The following RAD51B variants were observed in gnomAD, a reference collection of about 807,000 sequenced individuals.
RAD51B encodes RAD51 paralog B, also known as DNA repair protein RAD51 homolog 2.
A neutral mutation model predicts 42.2 loss-of-function variants in RAD51B; 38 were observed. That is an observed-to-expected ratio of 0.90 (90% confidence interval 0.70 to 1.18). The LOEUF (loss-of-function observed/expected upper bound fraction) is 1.18, where lower values mean the gene tolerates loss of function less well. RAD51B is among the 50% of genes most tolerant of loss of function. RAD51B has a pLI of 0.00. For missense variants in RAD51B, 373 were observed against 400.7 expected (o/e 0.93, Z 0.59); for synonymous variants, 154 against 145.2 (o/e 1.06, Z -0.43).
At chr14:67,882,936 G>T (rs2042955936) in intron 5 of RAD51B, among the ~76,000 whole-genome samples, 1 of 152,250 alleles carries the variant, frequency 6.6e-6, no homozygotes, top group South Asian at 2.1e-4. Context: ...GTAGAGACGG[G>T]GTTTTGCCAT....
intron 8 of RAD51B, among the ~76,000 whole-genome samples, chr14:68,405,450 A>AG (rs2084244005): frequency 1.3e-5 from 2 of 152,218 alleles, no homozygotes; most frequent in African/African-American, 4.8e-5. Context: ...CTCTAAAAAA[A>AG]AATTTAAAAA....
intron 7 of RAD51B, among the ~76,000 whole-genome samples, chr14:68,240,882 G>T (rs2080369539): frequency 6.6e-6 from 1 of 152,362 alleles, no homozygotes; most frequent in South Asian, 2.1e-4. Context: ...TTTGCCTCAT[G>T]TACTAGGCTA....
At chr14:67,888,063 T>G (rs565744806) in intron 7 of RAD51B, among the ~76,000 whole-genome samples, 4 of 152,316 alleles carry the variant, frequency 2.6e-5, no homozygotes, top group African/African-American at 7.2e-5. Context: ...CTTGGATCTT[T>G]GCAACATAAA....
chr14:68,530,137 T>TAA (rs139122533), intron 10 of RAD51B, among the ~76,000 whole-genome samples: 7,573 of 152,090 alleles, frequency 0.05, 255 homozygotes, highest in Middle Eastern at 0.11. Context: ...ACCTCAAGGA[T>TAA]AAAAATGATA....
chr14:68,398,866 C>T (rs1353145421), intron 8 of RAD51B, among the ~76,000 whole-genome samples: 3 of 152,098 alleles, frequency 2.0e-5, no homozygotes, highest in Admixed American at 1.3e-4. Context: ...TCTGTAATTG[C>T]AGGCAAAACA....
chr14:68,473,889 A>G (rs565145866), intron 10 of RAD51B, among the ~76,000 whole-genome samples: 24 of 152,370 alleles, frequency 1.6e-4, no homozygotes, highest in African/African-American at 5.8e-4. Context: ...GAATCCACAC[A>G]TAGTATAATG....
At chr14:68,321,624 AC>A (rs1431281544) in intron 8 of RAD51B, among the ~76,000 whole-genome samples, 70 of 152,214 alleles carry the variant, frequency 4.6e-4, no homozygotes, top group African/African-American at 1.5e-3. Context: ...ACAAGGGTAG[AC>A]CTTGAGCAAG....
chr14:68,299,109 C>T (rs1340159206), intron 8 of RAD51B, among the ~76,000 whole-genome samples: 2 of 151,764 alleles, frequency 1.3e-5, no homozygotes, highest in Admixed American at 6.6e-5. Context: ...GTTCTTCAGT[C>T]GAAGATATGG....
chr14:68,230,299 G>A (rs573428476), intron 7 of RAD51B, among the ~76,000 whole-genome samples: 291 of 152,330 alleles, frequency 1.9e-3, no homozygotes, highest in Middle Eastern at 3.4e-3. Context: ...TGAAGGAAAA[G>A]TAGAACAGAT....
chr14:68,302,589 G>A (rs1237417491), intron 8 of RAD51B, among the ~76,000 whole-genome samples: 1 of 152,132 alleles, frequency 6.6e-6, no homozygotes, highest in Non-Finnish European at 1.5e-5. Context: ...ATATAGAGGT[G>A]TGAAGTAGGA....
chr14:68,132,958 G>C (rs2077927109), intron 7 of RAD51B, among the ~76,000 whole-genome samples: 1 of 152,160 alleles, frequency 6.6e-6, no homozygotes, highest in African/African-American at 2.4e-5. Context: ...CCCTAGTTTG[G>C]TTCCAGTGCC....
At chr14:68,646,907 T>G (rs1217393629) in intron 10 of RAD51B, among the ~76,000 whole-genome samples, 1 of 152,220 alleles carries the variant, frequency 6.6e-6, no homozygotes, top group Non-Finnish European at 1.5e-5. Context: ...TGAGCTTCTC[T>G]GTCATTTAAT....
At chr14:68,605,522 G>A (rs1891411277) in intron 10 of RAD51B, among the ~76,000 whole-genome samples, 1 of 152,184 alleles carries the variant, frequency 6.6e-6, no homozygotes, top group Non-Finnish European at 1.5e-5. Context: ...TAACAAGAAG[G>A]GAAACTTTGG....
chr14:67,935,603 G>A (rs1411440939), intron 7 of RAD51B, among the ~76,000 whole-genome samples: 3 of 152,162 alleles, frequency 2.0e-5, no homozygotes, highest in African/African-American at 7.2e-5. Context: ...CTGGCCTCAA[G>A]GGATCCTCCT....
chr14:68,335,302 AAAAAAAAAAAAG>A (rs1231428534), intron 8 of RAD51B, among the ~76,000 whole-genome samples: 10 of 136,722 alleles, frequency 7.3e-5, no homozygotes, highest in Non-Finnish European at 1.6e-4. Context: ...GTGTCAAAAA[AAAAAAAAAAAAG>A]AAAAGAAAAA....
intron 7 of RAD51B, among the ~76,000 whole-genome samples, chr14:68,072,363 G>A (rs999612283): frequency 6.6e-6 from 1 of 151,618 alleles, no homozygotes; most frequent in South Asian, 2.1e-4. Flanking sequence ...AAGCTGAGGA[G>A]CAAGGAGAGT....
At chr14:68,056,731 G>C (rs1193833973) in intron 7 of RAD51B, among the ~76,000 whole-genome samples, 1 of 151,166 alleles carries the variant, frequency 6.6e-6, no homozygotes, top group Non-Finnish European at 1.5e-5. Flanking sequence ...CTTGGCGACA[G>C]ACCAAGACTC....
intron 8 of RAD51B, among the ~76,000 whole-genome samples, chr14:68,381,908 A>G (rs2083486209): frequency 1.3e-5 from 2 of 152,172 alleles, no homozygotes; most frequent in Non-Finnish European, 2.9e-5. Context: ...AACCCTGTCC[A>G]CAGTTTCTAT....
chr14:68,178,976 T>G (rs1319695862), intron 7 of RAD51B, among the ~76,000 whole-genome samples: 1 of 152,150 alleles, frequency 6.6e-6, no homozygotes, highest in Non-Finnish European at 1.5e-5. Flanking sequence ...AAATTTCTGC[T>G]CTGGTCACAA....
Sources: allele counts gnomAD v4.1 joint callset (sites outside exome capture counted in the v4.1 genomes callset), GRCh38; gene constraint gnomAD v4.1.1; transcripts MANE v1.5; gene names NCBI Gene and HGNC (gene_info 2026-07-23, HGNC 2026-07-21).